Variants in SLCO5A1 observed in about 807,000 individuals in gnomAD.
SLCO5A1 encodes solute carrier organic anion transporter family member 5A1, also known as organic anion transporter polypeptide-related protein 4.
SLCO5A1 carries 39 observed loss-of-function variants against 65.1 expected under a neutral mutation model. The ratio of observed to expected loss-of-function variants is 0.60; its 90% CI spans 0.46 to 0.78. The LOEUF (loss-of-function observed/expected upper bound fraction) is 0.78. Among genes scored for constraint, SLCO5A1 ranks in the 30% least tolerant of loss-of-function variants. The pLI is 0.00. For synonymous variants in SLCO5A1, 438 were observed against 415.7 expected (o/e 1.05, Z -0.65); for missense variants, 1,029 against 1,069.4 (o/e 0.96, Z 0.53).
At chr8:69,761,910 G>C (rs368265054) in intron 2 of SLCO5A1, 35 bp from the exon 3 acceptor site, 2 of 1,607,354 alleles carry the variant, frequency 1.2e-6, no homozygotes, top group African/African-American at 1.3e-5. Flanking sequence ...GAAATACAGC[G>C]ACGTTTTATT....
chr8:69,822,507 T>A (rs1347893792), intron 2 of SLCO5A1, among the ~76,000 whole-genome samples: 1 of 152,234 alleles, frequency 6.6e-6, no homozygotes, highest in African/African-American at 2.4e-5. Flanking sequence ...TCCTATACAA[T>A]GTTTTAATTT....
chr8:69,748,431 C>T lies in SLCO5A1; in HGVS notation c.1258+6993G>A, dbSNP rs558498747. Among the ~76,000 whole-genome samples the T allele has an allele frequency of 7.9e-5, 12 of 152,294 alleles. No homozygotes were observed. In the East Asian group the frequency reaches 9.6e-4, roughly 12 times the overall value. ...ACTGTTACCATTTACCTTTCACCTC[C>T]TAAGCTGCAAGTCCAAATCTAAAGA... On this transcript the variant is annotated intron_variant, in intron 4 of 9. Coordinates refer to ENST00000260126, the MANE Select transcript of SLCO5A1 (RefSeq NM_030958.3).
At chr8:69,784,828 A>AAAGAAAGAAAGAAAG (rs1818948843) in intron 2 of SLCO5A1, among the ~76,000 whole-genome samples, 1 of 137,254 alleles carries the variant, frequency 7.3e-6, no homozygotes, top group African/African-American at 2.6e-5. Flanking sequence ...AGAAAGAAAG[A>AAAGAAAGAAAGAAAG]AAGAAAGAAA....
rs2130858985 is a variant in SLCO5A1, at chr8:69,755,570, T to A, written c.1112A>T (p.Lys371Met). Residue 371 changes from lysine (K) to methionine (M), a missense_variant, in exon 4 of 10, where the codon AAG becomes ATG. Around this residue, in one of 3 missense-constraint regions of SLCO5A1, gnomAD observed 647 missense variants for 647.5 expected, o/e 1.00. Transcript: ENST00000260126. ...CTTTTTCTTGTGTCGAGGTGGAAGC[T>A]TTTTTGGGAAAGTAAACATTGGGAA... Reference protein sequence around the residue: ...VIFPMFTFPKKLPPRHKKKKK... With the variant: ...VIFPMFTFPKMLPPRHKKKKK... 1 of 1,614,006 alleles carries A rather than the reference T, an allele frequency of 6.2e-7. No homozygotes were observed. Among genetic ancestry groups the A allele is most frequent in the Non-Finnish European group, 8.5e-7 (1 of 1,179,956 alleles).
chr8:69,808,382 T>A (rs1387539827), intron 2 of SLCO5A1, among the ~76,000 whole-genome samples: 3 of 152,170 alleles, frequency 2.0e-5, no homozygotes, highest in Non-Finnish European at 2.9e-5. Context: ...TGTGTTCTCA[T>A]TGTTTAGCTC....
chr8:69,705,005 C>T lies in SLCO5A1; in HGVS notation c.1622+26G>A, dbSNP rs111794230. The stretch of plus-strand genomic sequence containing the variant: ...GCTTTGCACCTCCATCGTGCAGACA[C>T]GACACGGCTCTTAAGAGGTACTTAC... On this transcript the variant is annotated intron_variant, in intron 6 of 9. Coordinates refer to ENST00000260126, the MANE Select transcript of SLCO5A1 (RefSeq NM_030958.3). 8.3e-3 allele frequency: 13,287 copies of T among 1,600,788 alleles called. 880 individuals carry two copies. In the African/African-American group the frequency reaches 0.15, roughly 18 times the overall value.
At chr8:69,677,056 TTTTGCCTG>T (rs1362704055) in intron 8 of SLCO5A1, among the ~76,000 whole-genome samples, 1,700 of 152,254 alleles carry the variant, frequency 0.011, 25 homozygotes, top group African/African-American at 0.039. Flanking sequence ...GTTTTTGTTT[TTTTGCCTG>T]TGTGCCTGCA....
intron 2 of SLCO5A1, among the ~76,000 whole-genome samples, chr8:69,762,122 CTTTCTTT>C: frequency 2.0e-4 from 1 of 4,970 alleles, no homozygotes; most frequent in South Asian, 6.8e-3. Context: ...GTTTTGTTTT[CTTTCTTT>C]CTTTCTTTCT....
At chr8:69,703,112 AAAAAAAAAAAAAGAAAAAAG>A (rs1814821045) in intron 6 of SLCO5A1, among the ~76,000 whole-genome samples, 1 of 88,978 alleles carries the variant, frequency 1.1e-5, no homozygotes, top group Non-Finnish European at 2.9e-5. Context: ...CTCTGTTTCA[AAAAAAAAAAAAAGAAAAAAG>A]AAAAAAAGAA....
At chr8:69,782,557 G>C (rs1818840542) in intron 2 of SLCO5A1, among the ~76,000 whole-genome samples, 1 of 143,310 alleles carries the variant, frequency 7.0e-6, no homozygotes, top group African/African-American at 2.6e-5. Context: ...TCCAGTTTGG[G>C]AGACAGAGCA....
intron 2 of SLCO5A1, among the ~76,000 whole-genome samples, chr8:69,779,251 T>G (rs1818703345): frequency 1.3e-5 from 2 of 152,200 alleles, no homozygotes; most frequent in South Asian, 4.1e-4. Flanking sequence ...GTTATAATTA[T>G]TTAAGCTATG....
At chr8:69,821,547 A>C (rs1312813789) in intron 2 of SLCO5A1, among the ~76,000 whole-genome samples, 2 of 152,056 alleles carry the variant, frequency 1.3e-5, no homozygotes, top group South Asian at 2.1e-4. Flanking sequence ...AGTGGCTCAC[A>C]TCTGTAATCC....
At chr8:69,725,221 G>A (rs977598709) in intron 5 of SLCO5A1, among the ~76,000 whole-genome samples, 7 of 152,042 alleles carry the variant, frequency 4.6e-5, no homozygotes, top group East Asian at 1.9e-4. Context: ...CAGAACTTCC[G>A]ATGCCAAAAC....
rs561853957 is a variant in SLCO5A1 at position 69,699,178 on chromosome 8, C to A, written c.1622+5853G>T. Among the ~76,000 whole-genome samples, 34 of 152,330 alleles carry A rather than the reference C, an allele frequency of 2.2e-4. No individual in the cohort carries two copies. In the South Asian group the frequency reaches 3.7e-3, roughly 17 times the overall value. Reference sequence around the variant, plus strand: ...CATCCCTTCTCTACTTAGGTAACTGCTCCTTCCCTCATACTCCCTGTTTTC... The same window carrying A: ...CATCCCTTCTCTACTTAGGTAACTGATCCTTCCCTCATACTCCCTGTTTTC... On this transcript the variant is annotated intron_variant, in intron 6 of 9. Transcript: ENST00000260126.
intron 5 of SLCO5A1, among the ~76,000 whole-genome samples, chr8:69,708,674 C>T (rs6472478): frequency 0.6 from 91,063 of 151,864 alleles, 27,481 homozygotes; most frequent in South Asian, 0.72. Context: ...GAGGCCGAGG[C>T]GGGCAGATCA....
chr8:69,825,032 G>C (rs1820810927), intron 2 of SLCO5A1, among the ~76,000 whole-genome samples: 1 of 152,082 alleles, frequency 6.6e-6, no homozygotes, highest in Non-Finnish European at 1.5e-5. Context: ...AAAACCACAT[G>C]ATTATCTCAA....
intron 6 of SLCO5A1, among the ~76,000 whole-genome samples, chr8:69,685,021 G>A (rs1410126618): frequency 1.3e-5 from 2 of 152,166 alleles, no homozygotes; most frequent in African/African-American, 4.8e-5. Context: ...CCTGGGGTAT[G>A]TTTGCTTTTC....
intron 3 of SLCO5A1, among the ~76,000 whole-genome samples, chr8:69,756,916 C>T (rs985031896): frequency 6.6e-6 from 1 of 152,250 alleles, no homozygotes; most frequent in Non-Finnish European, 1.5e-5. Flanking sequence ...TGATTCCTCA[C>T]CTCCAAACTC....
chr8:69,815,312 G>T (rs1820359330), intron 2 of SLCO5A1, among the ~76,000 whole-genome samples: 1 of 152,056 alleles, frequency 6.6e-6, no homozygotes, highest in Non-Finnish European at 1.5e-5. Flanking sequence ...ATTAAATAAA[G>T]TGTTTAGTAC....
Sources: allele counts gnomAD v4.1 joint callset (sites outside exome capture counted in the v4.1 genomes callset), GRCh38; gene constraint gnomAD v4.1.1; regional missense constraint gnomAD v4.1.1; transcripts MANE v1.5; gene names NCBI Gene and HGNC (gene_info 2026-07-23, HGNC 2026-07-21).